Variants in GPHN observed in about 807,000 individuals in gnomAD.
GPHN encodes the protein gephyrin.
Under a neutral mutation model 95.5 loss-of-function variants are expected in GPHN, and 17 were observed. That is an observed-to-expected ratio of 0.18 (90% CI 0.12 to 0.27). The LOEUF (loss-of-function observed/expected upper bound fraction) is 0.27. GPHN is among the 10% of genes least tolerant of loss of function. GPHN has a pLI of 1.00. For missense variants in GPHN, 660 were observed against 978.1 expected, an observed-to-expected ratio of 0.67 and a Z score of 4.34; for synonymous variants, 320 against 322.5, an observed-to-expected ratio of 0.99 and a Z score of 0.08.
At chr14:66,737,030 A>G (rs913128891) in intron 2 of GPHN, among the ~76,000 whole-genome samples, 1 of 152,094 alleles carries the variant, frequency 6.6e-6, no homozygotes, top group African/African-American at 2.4e-5. Flanking sequence ...CATTCATGGG[A>G]ACCCTGGTTG....
intron 18 of GPHN, among the ~76,000 whole-genome samples, chr14:67,145,249 G>A (rs1595369176): frequency 6.6e-6 from 1 of 152,132 alleles, no homozygotes; most frequent in East Asian, 1.9e-4. Flanking sequence ...CTATTTGGCA[G>A]AACTAAAACG....
At chr14:66,885,441 G>T (rs1007623464) in intron 5 of GPHN, among the ~76,000 whole-genome samples, 1 of 152,140 alleles carries the variant, frequency 6.6e-6, no homozygotes, top group Non-Finnish European at 1.5e-5. Flanking sequence ...GCTCCAGCTA[G>T]CAGGTACTAG....
At chr14:66,641,156 A>G (rs939416446) in intron 1 of GPHN, among the ~76,000 whole-genome samples, 1 of 152,218 alleles carries the variant, frequency 6.6e-6, no homozygotes, top group Non-Finnish European at 1.5e-5. Context: ...ATAACGTATG[A>G]TGGTTCAACT....
chr14:66,683,215 A>AT (rs912073412), intron 2 of GPHN, among the ~76,000 whole-genome samples: 25 of 149,310 alleles, frequency 1.7e-4, no homozygotes, highest in African/African-American at 6.2e-4. Flanking sequence ...TTTCTAAGGA[A>AT]TTTTTTCTTT....
At chr14:67,465,333 G>GTCA in the GPHN span, among the ~76,000 whole-genome samples, 1 of 128,736 alleles carries the variant, frequency 7.8e-6, no homozygotes. Context: ...GCAGTGAACG[G>GTCA]GAGCTGCAGG....
the GPHN span, chr14:67,656,972 A>C: frequency 1.3e-5 from 2 of 159,248 alleles, no homozygotes; most frequent in African/African-American, 4.8e-5. Context: ...TATAGCCTGT[A>C]ACTTCGATAG....
At chr14:67,013,748 A>G (rs2073144377) in intron 9 of GPHN, among the ~76,000 whole-genome samples, 2 of 151,986 alleles carry the variant, frequency 1.3e-5, no homozygotes, top group African/African-American at 4.8e-5. Context: ...GGAAAACAAT[A>G]CAGCCACACT....
intron 1 of GPHN, among the ~76,000 whole-genome samples, chr14:66,586,031 T>C (rs985041551): frequency 2.6e-5 from 4 of 152,194 alleles, no homozygotes; most frequent in Non-Finnish European, 5.9e-5. Context: ...TCTAAGTCTC[T>C]TTGTAGGTCA....
At chr14:66,743,045 T>G (rs1230812196) in intron 2 of GPHN, among the ~76,000 whole-genome samples, 1 of 152,180 alleles carries the variant, frequency 6.6e-6, no homozygotes. Context: ...TTAGGACTGT[T>G]GTTCATTCAC....
At chr14:66,691,125 T>G (rs939774302) in intron 2 of GPHN, among the ~76,000 whole-genome samples, 1 of 152,132 alleles carries the variant, frequency 6.6e-6, no homozygotes, top group Non-Finnish European at 1.5e-5. Context: ...GAGGATCAGT[T>G]GAGCCCAGTA....
At chr14:67,284,340 G>C in the GPHN span, among the ~76,000 whole-genome samples, 2 of 150,208 alleles carry the variant, frequency 1.3e-5, no homozygotes, top group Admixed American at 1.3e-4. Context: ...GTTCACGCCC[G>C]TATTAGTAGC....
In GPHN at chr14:66,663,565, G is replaced by C. The variant is rs181044107; in HGVS notation, c.65-17542G>C. 2.6e-5 allele frequency among the ~76,000 whole-genome samples: 4 copies of C among 152,150 alleles called. No homozygotes were observed. In the East Asian group the frequency reaches 7.7e-4, roughly 29 times the overall value. On this transcript the variant is annotated intron_variant, in intron 1 of 22. Transcript: ENST00000478722. ...AAATGACACTATAAAGTAACCACAA[G>C]TTATTTTAAACAAGTCTCCAAAATA...
chr14:66,872,774 A>T (rs2153528762), intron 4 of GPHN, among the ~76,000 whole-genome samples: 1 of 152,102 alleles, frequency 6.6e-6, no homozygotes, highest in Admixed American at 6.5e-5. Flanking sequence ...GCGCACCTGT[A>T]ATCACAGCTA....
chr14:67,603,135 T>A, the GPHN span, among the ~76,000 whole-genome samples: 645 of 152,232 alleles, frequency 4.2e-3, 44 homozygotes, highest in East Asian at 0.11. Flanking sequence ...AGTGGTACGG[T>A]CATGGCTCAC....
At chr14:67,329,620 T>A in the GPHN span, among the ~76,000 whole-genome samples, 1 of 152,134 alleles carries the variant, frequency 6.6e-6, no homozygotes, top group African/African-American at 2.4e-5. Context: ...GGGTTTGTCA[T>A]AAATAGCTCT....
chr14:67,389,346 T>C, the GPHN span, among the ~76,000 whole-genome samples: 1 of 152,044 alleles, frequency 6.6e-6, no homozygotes, highest in African/African-American at 2.4e-5. Context: ...AGTCCTGTCC[T>C]GGATAGGAGA....
chr14:67,685,188 C>G, the GPHN span: 3 of 1,612,406 alleles, frequency 1.9e-6, no homozygotes, highest in South Asian at 1.1e-5. Context: ...GTACAGAATA[C>G]GTCGTAACGC....
At chr14:67,204,855 ACATGTCAG>A in the GPHN span, 1 of 1,613,910 alleles carries the variant, frequency 6.2e-7, no homozygotes. Flanking sequence ...CAGGCCCTGA[ACATGTCAG>A]GGACAGCATA....
At chr14:66,644,952 T>G (rs932347088) in intron 1 of GPHN, among the ~76,000 whole-genome samples, 1 of 152,148 alleles carries the variant, frequency 6.6e-6, no homozygotes, top group African/African-American at 2.4e-5. Flanking sequence ...CATGTAAATG[T>G]TGTTTGCCAT....
Sources: allele counts gnomAD v4.1 joint callset (sites outside exome capture counted in the v4.1 genomes callset), GRCh38; gene constraint gnomAD v4.1.1; transcripts MANE v1.5; gene names NCBI Gene and HGNC (gene_info 2026-07-23, HGNC 2026-07-21).